The following CCDC50 variants were observed in gnomAD, a reference collection of about 807,000 sequenced individuals.
CCDC50 encodes the protein coiled-coil domain containing 50, also known as coiled-coil domain-containing protein 50.
In CCDC50, 54 loss-of-function variants were observed where a neutral mutation model predicts 70.2. The observed-to-expected ratio is 0.77, with a 90% CI of 0.62 to 0.96. The LOEUF (loss-of-function observed/expected upper bound fraction) is 0.96, where lower values mean the gene tolerates loss of function less well. Ranked by LOEUF, CCDC50 falls within the 50% of genes least tolerant of loss-of-function variation. The pLI is 0.00. For synonymous variants in CCDC50, 216 were observed against 198.8 expected, an observed-to-expected ratio of 1.09 and a Z score of -0.73; for missense variants, 558 against 578.7, an observed-to-expected ratio of 0.96 and a Z score of 0.37.
intron 1 of CCDC50, among the ~76,000 whole-genome samples, chr3:191,348,760 G>C (rs1303326435): frequency 7.0e-6 from 1 of 142,356 alleles, no homozygotes; most frequent in African/African-American, 2.5e-5. Flanking sequence ...GCCAAAATTA[G>C]ATGCCACTAC....
Position 191,375,074 on chromosome 3 carries a change from C to T in CCDC50, c.461C>T (p.Ser154Leu), listed in dbSNP as rs771241542. 1.2e-6 allele frequency: 2 copies of T among 1,613,296 alleles called. No homozygotes were observed. The highest frequency in any genetic ancestry group is 1.7e-6 in the Non-Finnish European group (2 of 1,179,646). ...TGCCTCCACTCAGACCAACCAGGGTCAAGGAGGGCCAGGGAATTGGGTTCT... is the reference window on the plus strand; with the variant it reads ...TGCCTCCACTCAGACCAACCAGGGTTAAGGAGGGCCAGGGAATTGGGTTCT... ...YYYEDGDQPGSRRARELGSGF... is the reference protein window; with the variant it reads ...YYYEDGDQPGLRRARELGSGF... Residue 154 changes from serine to leucine, a missense_variant, in exon 6 of 12, where the codon TCA becomes TTA. Coordinates refer to ENST00000392455, the MANE Select transcript of CCDC50 (RefSeq NM_178335.3).
At chr3:191,353,307 G>A (rs1341308044) in intron 1 of CCDC50, among the ~76,000 whole-genome samples, 1 of 141,820 alleles carries the variant, frequency 7.1e-6, no homozygotes, top group Non-Finnish European at 1.6e-5. Context: ...TAGCAGACTG[G>A]GACTAGTAGA....
chr3:191,329,642 G>A lies in CCDC50; in HGVS notation c.-33G>A. 6.3e-7 allele frequency: 1 copy of A among 1,597,412 alleles called. No individual in the cohort carries two copies. The highest frequency in any genetic ancestry group is 8.5e-7 in the Non-Finnish European group (1 of 1,173,336). On this transcript the variant is annotated 5_prime_UTR_variant, in exon 1 of 12. Coordinates refer to ENST00000392455, the MANE Select transcript of CCDC50 (RefSeq NM_178335.3). ...GGCGCCGGCGGTGACCGGGAAGCCC[G>A]CGTTAAAGGGGCAACCGGGACCCTG...
chr3:191,342,652 C>G (rs1711772380), intron 1 of CCDC50, among the ~76,000 whole-genome samples: 1 of 152,056 alleles, frequency 6.6e-6, no homozygotes, highest in Non-Finnish European at 1.5e-5. Flanking sequence ...TCTTTCTAGG[C>G]TAAGGCAAAC....
At chr3:191,332,378 A>G (rs1158952930) in intron 1 of CCDC50, among the ~76,000 whole-genome samples, 1 of 152,222 alleles carries the variant, frequency 6.6e-6, no homozygotes, top group Non-Finnish European at 1.5e-5. Context: ...GATTGAGTTC[A>G]TATGTAGGTG....
At chr3:191,362,449 A>G (rs978010785) in intron 4 of CCDC50, among the ~76,000 whole-genome samples, 1 of 152,112 alleles carries the variant, frequency 6.6e-6, no homozygotes, top group South Asian at 2.1e-4. Flanking sequence ...CTTATGAACA[A>G]TTTATTTCAT....
chr3:191,352,404 T>G (rs1712134788), intron 1 of CCDC50, among the ~76,000 whole-genome samples: 1 of 142,300 alleles, frequency 7.0e-6, no homozygotes, highest in Admixed American at 7.2e-5. Flanking sequence ...CCTTTCCATT[T>G]CTAAGACCTG....
At chr3:191,382,025 A>G (rs558884142) in intron 9 of CCDC50, among the ~76,000 whole-genome samples, 2 of 152,290 alleles carry the variant, frequency 1.3e-5, no homozygotes, top group East Asian at 3.9e-4. Context: ...CAGTAATTCA[A>G]GATTTTTTCT....
chr3:191,389,481 C>T lies in CCDC50; in HGVS notation c.1323-15C>T. ...GTTACTTAGAATGCCCCTTTAAATT[C>T]TGGATTCCTTTTAGGCCACCACCAC... On this transcript the variant is annotated splice_polypyrimidine_tract_variant and intron_variant, in intron 10 of 11. Coordinates refer to ENST00000392455, the MANE Select transcript of CCDC50 (RefSeq NM_178335.3). 1 of 1,604,640 alleles carries T rather than the reference C, an allele frequency of 6.2e-7. No homozygotes were observed. Among genetic ancestry groups the T allele is most frequent in the Non-Finnish European group, 8.5e-7 (1 of 1,171,294 alleles).
rs1450007701 is a variant in CCDC50 at position 191,348,165 on chromosome 3, G to A, written c.50-8923G>A. On this transcript the variant is annotated intron_variant, in intron 1 of 11. Transcript: ENST00000392455. ...TGAGTCAGCTACATAGGTGACATTTGAATGGGGGTCTTGTAGGTTGATTGT... is the reference window on the plus strand; with the variant it reads ...TGAGTCAGCTACATAGGTGACATTTAAATGGGGGTCTTGTAGGTTGATTGT... 1.4e-5 allele frequency among the ~76,000 whole-genome samples: 2 copies of A among 142,098 alleles called. 1 individual carries two copies. Among genetic ancestry groups the A allele is most frequent in the Non-Finnish European group, 3.2e-5 (2 of 63,038 alleles). The allele number at this position is 142,098 out of a possible 152,430, so 93.2% of individuals were successfully genotyped here.
At chr3:191,345,593 G>A (rs1210172793) in intron 1 of CCDC50, among the ~76,000 whole-genome samples, 1 of 152,116 alleles carries the variant, frequency 6.6e-6, no homozygotes, top group Non-Finnish European at 1.5e-5. Flanking sequence ...TAGTACTTCT[G>A]ATGTGAGGAC....
chr3:191,338,037 T>C (rs1010760757), intron 1 of CCDC50, among the ~76,000 whole-genome samples: 13 of 152,180 alleles, frequency 8.5e-5, no homozygotes, highest in African/African-American at 2.9e-4. Flanking sequence ...CCTGGACTTT[T>C]TTGGCTTTTG....
intron 6 of CCDC50, among the ~76,000 whole-genome samples, chr3:191,379,598 A>G (rs1000222322): frequency 3.7e-4 from 56 of 152,048 alleles, no homozygotes; most frequent in African/African-American, 1.3e-3. Context: ...GGAAGTTCTA[A>G]AGCGAGTGGG....
At chr3:191,333,530 A>G (rs544832806) in intron 1 of CCDC50, among the ~76,000 whole-genome samples, 77 of 152,258 alleles carry the variant, frequency 5.1e-4, no homozygotes, top group African/African-American at 1.8e-3. Flanking sequence ...TCAAAATTCC[A>G]TAACAGTTTT....
chr3:191,341,188 A>T (rs1425949684), intron 1 of CCDC50, among the ~76,000 whole-genome samples: 2 of 152,212 alleles, frequency 1.3e-5, no homozygotes, highest in East Asian at 3.8e-4. Context: ...TCAGTGACTT[A>T]GTGGGACCTC....
chr3:191,361,693 A>G (rs1712493346), intron 4 of CCDC50, among the ~76,000 whole-genome samples: 1 of 152,214 alleles, frequency 6.6e-6, no homozygotes, highest in Non-Finnish European at 1.5e-5. Flanking sequence ...GACTCACCCT[A>G]ATCCAGTATG....
chr3:191,375,034 T>C lies in CCDC50; in HGVS notation c.449-28T>C, dbSNP rs754671607. 3.8e-5 allele frequency: 61 copies of C among 1,610,900 alleles called. No individual in the cohort carries two copies. In the Admixed American group the frequency reaches 1.0e-3, roughly 27 times the overall value. On this transcript the variant is annotated intron_variant, in intron 5 of 11. Coordinates refer to ENST00000392455, the MANE Select transcript of CCDC50 (RefSeq NM_178335.3). ...CTCATTAAATTAATCTGCATTTTTA[T>C]TTTTCACATCCCTCTGCCTCCACTC... is the stretch of plus-strand genomic sequence containing the variant.
chr3:191,374,553 A>C (rs1190393539), intron 5 of CCDC50, among the ~76,000 whole-genome samples: 1 of 152,184 alleles, frequency 6.6e-6, no homozygotes, highest in Non-Finnish European at 1.5e-5. Context: ...AGGCATATAA[A>C]AATCTGTGGA....
rs1712355357 is a variant in CCDC50 at position 191,358,110 on chromosome 3, G to A, written c.225G>A (p.Lys75=). The A allele has an allele frequency of 1.2e-6, 2 of 1,613,796 alleles. No individual in the cohort carries two copies. The highest frequency in any genetic ancestry group is 8.5e-7 in the Non-Finnish European group (1 of 1,179,882). ...TGAAAGCGCAGGCCCAGCTCCAGAA[G>A]CGCTACAAAGACCTGTGAGGATTTG... ...EDLKAQAQLQ[K]RYKDLEQQDC... is the part of the protein sequence containing the mutation. The change falls in exon 3 of 12, where the codon AAG becomes AAA. Residue 75 remains lysine (K), a synonymous_variant. Transcript: ENST00000392455.
Sources: allele counts gnomAD v4.1 joint callset (sites outside exome capture counted in the v4.1 genomes callset), GRCh38; gene constraint gnomAD v4.1.1; transcripts MANE v1.5; gene names NCBI Gene and HGNC (gene_info 2026-07-23, HGNC 2026-07-21).